Variants in ADRA1A observed in about 807,000 individuals in gnomAD.
ADRA1A encodes the protein alpha-1A adrenergic receptor.
ADRA1A carries 31 observed loss-of-function variants against 29.6 expected under a neutral mutation model. The observed-to-expected ratio is 1.05, with a 90% CI of 0.79 to 1.41. ADRA1A has a LOEUF of 1.41. Ranked by LOEUF, ADRA1A falls within the 40% of genes most tolerant of loss-of-function variation. The probability of loss-of-function intolerance (pLI) is 0.00; values close to 1 mark genes in which losing one functional copy is unlikely to be tolerated. For missense variants in ADRA1A, 619 were observed against 601.1 expected (o/e 1.03, Z -0.31); for synonymous variants, 311 against 254.3 (o/e 1.22, Z -2.12).
chr8:26,859,099 A>G, intron 2 of ADRA1A: 4 of 1,289,078 alleles, frequency 3.1e-6, no homozygotes, highest in Non-Finnish European at 4.0e-6. Flanking sequence ...TAGCACACTC[A>G]TCCCTGCCCT....
intron 2 of ADRA1A, among the ~76,000 whole-genome samples, chr8:26,777,679 A>G (rs140801719): frequency 2.0e-5 from 3 of 152,324 alleles, no homozygotes; most frequent in African/African-American, 4.8e-5. Context: ...TCTGGCAGAA[A>G]ACTTGAGTGG....
At chr8:26,800,357 A>G (rs145281377) in intron 2 of ADRA1A, among the ~76,000 whole-genome samples, 2 of 152,328 alleles carry the variant, frequency 1.3e-5, no homozygotes, top group East Asian at 3.9e-4. Context: ...CTCTAGGAAC[A>G]GGCCAAGATG....
In ADRA1A at chr8:26,770,215, C is replaced by G; in HGVS notation, c.1335G>C (p.Lys445Asn). 6.2e-7 allele frequency: 1 copy of G among 1,604,878 alleles called. No homozygotes were observed. The change falls in exon 3 of 3, where the codon AAG becomes AAC. Residue 445 changes from lysine to asparagine, a missense_variant. Physicochemically the swap from Lys to Asn is moderately conservative, Grantham distance 94. Coordinates refer to ENST00000380573, the MANE Select transcript of ADRA1A (RefSeq NM_000680.4). ...CCTTAATGGTTGGAACTTGATGGTT[C>G]TTGTCAAGGCTGGGGGTTGAGGGCC... The part of the protein sequence containing the change: ...CVGPSTPSLD[K>N]NHQVPTIKVH...
chr8:26,767,785 C>T (rs1016257892), downstream of ADRA1A, among the ~76,000 whole-genome samples: 15 of 152,182 alleles, frequency 9.9e-5, no homozygotes, highest in East Asian at 3.9e-4. Flanking sequence ...CCTGTTGGGA[C>T]GCTCTTCCTG....
At chr8:26,853,641 GC>G (rs1351334545) in intron 2 of ADRA1A, 1 of 152,144 alleles carries the variant, frequency 6.6e-6, no homozygotes, top group Non-Finnish European at 1.5e-5. Context: ...TATTTGATAA[GC>G]CTTTTGAGAC....
chr8:26,851,180 A>G (rs1303332928), intron 2 of ADRA1A, among the ~76,000 whole-genome samples: 1 of 152,246 alleles, frequency 6.6e-6, no homozygotes, highest in Non-Finnish European at 1.5e-5. Flanking sequence ...TATTTTATTA[A>G]CTAAAAGATA....
chr8:26,808,676 A>T (rs989437848), intron 2 of ADRA1A, among the ~76,000 whole-genome samples: 1 of 152,202 alleles, frequency 6.6e-6, no homozygotes, highest in African/African-American at 2.4e-5. Flanking sequence ...ATACACTGAG[A>T]TGTCACATTC....
At chr8:26,850,753 A>C (rs1001327658) in intron 2 of ADRA1A, among the ~76,000 whole-genome samples, 3 of 152,144 alleles carry the variant, frequency 2.0e-5, no homozygotes, top group Non-Finnish European at 4.4e-5. Context: ...CGGCCTCCCA[A>C]ATTGCTGGGA....
rs147905903 is a variant in ADRA1A at position 26,808,407 on chromosome 8, G to A, written c.884-37741C>T. ...CTGGATTTTTTTCATTATATACACT[G>A]TGGAAATGAATAACTAAAATTTTGA... On this transcript the variant is annotated intron_variant, in intron 2 of 2. Coordinates refer to ENST00000380573, the MANE Select transcript of ADRA1A (RefSeq NM_000680.4). Among the ~76,000 whole-genome samples the A allele has an allele frequency of 9.9e-4, 150 of 152,210 alleles. 3 individuals are homozygous for A. The highest frequency in any genetic ancestry group is 3.3e-3 in the African/African-American group (137 of 41,520).
intron 2 of ADRA1A, among the ~76,000 whole-genome samples, chr8:26,781,332 G>GT (rs1779763550): frequency 6.6e-6 from 1 of 152,116 alleles, no homozygotes; most frequent in South Asian, 2.1e-4. Context: ...AATCCTCCTG[G>GT]TTTTAGTCTC....
At chr8:26,830,466 T>C (rs1185891667) in intron 2 of ADRA1A, among the ~76,000 whole-genome samples, 5 of 152,134 alleles carry the variant, frequency 3.3e-5, no homozygotes, top group Non-Finnish European at 7.4e-5. Flanking sequence ...AACACATGAC[T>C]GGACCACAGG....
chr8:26,778,156 C>T (rs1361467871), intron 2 of ADRA1A, among the ~76,000 whole-genome samples: 1 of 152,140 alleles, frequency 6.6e-6, no homozygotes, highest in Non-Finnish European at 1.5e-5. Flanking sequence ...GCCTAAGAAG[C>T]ATTTCTCCTT....
chr8:26,804,789 C>A (rs1042968311), intron 2 of ADRA1A, among the ~76,000 whole-genome samples: 5 of 152,118 alleles, frequency 3.3e-5, no homozygotes, highest in African/African-American at 1.2e-4. Context: ...ATGGTTATGT[C>A]AGAGAGCAAA....
At chr8:26,771,504 G>T (rs1351778136) in intron 2 of ADRA1A, among the ~76,000 whole-genome samples, 4 of 152,094 alleles carry the variant, frequency 2.6e-5, no homozygotes, top group Non-Finnish European at 5.9e-5. Flanking sequence ...CCGTTGATGT[G>T]CACGGCAGGA....
Position 26,866,316 on chromosome 8 carries a change from C to A in ADRA1A, c.-687+620G>T, listed in dbSNP as rs961492416. On this transcript the variant is annotated intron_variant, in intron 1 of 2. Transcript: ENST00000380573. The surrounding 1 kb of genome is among the most constrained non-coding windows in gnomAD (Gnocchi z 5.7). ...GGTCTGTCCACGACGCCTTTCCAAG[C>A]CTCACTGTTGGCCACCCGAGGGGCT... Among the ~76,000 whole-genome samples, 3 of 152,232 alleles carry A rather than the reference C, an allele frequency of 2.0e-5. No individual in the cohort carries two copies. The highest frequency in any genetic ancestry group is 7.2e-5 in the African/African-American group (3 of 41,466).
chr8:26,751,018 G>A (rs965288375), intron 2 of ADRA1A, among the ~76,000 whole-genome samples: 1 of 150,422 alleles, frequency 6.6e-6, no homozygotes, highest in Non-Finnish European at 1.5e-5. Context: ...GTGGAGAGCC[G>A]AGATTGTGCT....
In ADRA1A at chr8:26,843,590, A is replaced by T. The variant is rs539317059; in HGVS notation, c.883+20497T>A. Reference sequence around the variant, plus strand: ...AGGCAGTTAAAACTATGTAGACAAAATTTTTTTTGTCAGATAAAATGAGGA... The same window carrying T: ...AGGCAGTTAAAACTATGTAGACAAATTTTTTTTTGTCAGATAAAATGAGGA... On this transcript the variant is annotated intron_variant, in intron 2 of 2. Coordinates refer to ENST00000380573, the MANE Select transcript of ADRA1A (RefSeq NM_000680.4). Among the ~76,000 whole-genome samples, 19 of 152,144 alleles carry T rather than the reference A, an allele frequency of 1.2e-4. No individual in the cohort carries two copies. In the East Asian group the frequency reaches 3.3e-3, roughly 26 times the overall value.
At chr8:26,857,424 T>C (rs1813130031) in intron 2 of ADRA1A, among the ~76,000 whole-genome samples, 1 of 152,102 alleles carries the variant, frequency 6.6e-6, no homozygotes, top group South Asian at 2.1e-4. Context: ...CTCAATGTTT[T>C]GGGAGGCTAA....
intron 2 of ADRA1A, among the ~76,000 whole-genome samples, chr8:26,812,993 T>A (rs958656995): frequency 8.3e-5 from 12 of 144,876 alleles, no homozygotes; most frequent in South Asian, 2.1e-4. Context: ...TTTAATTTTT[T>A]AAAAATGCTG....
Sources: allele counts gnomAD v4.1 joint callset (sites outside exome capture counted in the v4.1 genomes callset), GRCh38; gene constraint gnomAD v4.1.1; non-coding constraint Gnocchi (gnomAD v3.1); transcripts MANE v1.5; gene names NCBI Gene and HGNC (gene_info 2026-07-23, HGNC 2026-07-21).